Variants in SHROOM3 observed in about 807,000 individuals in gnomAD.
The protein encoded by SHROOM3 is protein Shroom3.
In SHROOM3, 47 loss-of-function variants were observed where a neutral mutation model predicts 138.6. The observed-to-expected ratio is 0.34, with a 90% CI of 0.27 to 0.43. The LOEUF is 0.43. Among genes scored for constraint, SHROOM3 ranks in the 20% least tolerant of loss-of-function variants. The probability of loss-of-function intolerance (pLI) is 1.00; values close to 1 mark genes in which losing one functional copy is unlikely to be tolerated. For synonymous variants in SHROOM3, 1,062 were observed against 1,063.3 expected (o/e 1.00, Z 0.02); for missense variants, 2,491 against 2,596.5 (o/e 0.96, Z 0.88).
At chr4:76,586,421 A>G (rs1734156865) in intron 2 of SHROOM3, 2 of 985,398 alleles carry the variant, frequency 2.0e-6, no homozygotes, top group Non-Finnish European at 1.2e-6. Context: ...AGAAATGACC[A>G]ACAGATAACT....
chr4:76,516,606 A>AT (rs1412751073), intron 1 of SHROOM3, among the ~76,000 whole-genome samples: 1 of 152,112 alleles, frequency 6.6e-6, no homozygotes, highest in African/African-American at 2.4e-5. Context: ...GAAAAAAAAA[A>AT]GGAACCAAAA....
intron 2 of SHROOM3, among the ~76,000 whole-genome samples, chr4:76,585,969 C>T (rs976118120): frequency 6.6e-6 from 1 of 152,218 alleles, no homozygotes; most frequent in East Asian, 1.9e-4. Context: ...GTCTTCACAG[C>T]ACGTCGTGTT....
At chr4:76,625,098 T>G (rs1735103182) in intron 2 of SHROOM3, among the ~76,000 whole-genome samples, 4 of 152,234 alleles carry the variant, frequency 2.6e-5, no homozygotes, top group African/African-American at 9.6e-5. Flanking sequence ...ACTTTTGGGC[T>G]GTAGTTCCCA....
chr4:76,774,794 C>G (rs754011798), intron 10 of SHROOM3, among the ~76,000 whole-genome samples: 17 of 148,934 alleles, frequency 1.1e-4, no homozygotes, highest in Non-Finnish European at 1.8e-4. Flanking sequence ...TAATTCTTCA[C>G]TTTTCCCCCA....
At chr4:76,572,620 C>T (rs1409401380) in intron 2 of SHROOM3, among the ~76,000 whole-genome samples, 3 of 152,256 alleles carry the variant, frequency 2.0e-5, no homozygotes, top group Non-Finnish European at 4.4e-5. Context: ...ATATTGTGAT[C>T]GTTCAAATGT....
intron 1 of SHROOM3, among the ~76,000 whole-genome samples, chr4:76,492,724 A>G (rs1241589076): frequency 6.6e-6 from 1 of 152,190 alleles, no homozygotes; most frequent in Non-Finnish European, 1.5e-5. Flanking sequence ...CATGCATGAG[A>G]TCCTATACAC....
intron 1 of SHROOM3, among the ~76,000 whole-genome samples, chr4:76,462,689 C>CCT (rs1444016718): frequency 6.7e-6 from 1 of 148,784 alleles, no homozygotes; most frequent in Non-Finnish European, 1.5e-5. Context: ...TCTCCCTCTC[C>CCT]CTCTCTCTCT....
chr4:76,533,011 A>T (rs1337879034), intron 1 of SHROOM3, among the ~76,000 whole-genome samples: 1 of 152,232 alleles, frequency 6.6e-6, no homozygotes, highest in Non-Finnish European at 1.5e-5. Flanking sequence ...GGACAAAGGG[A>T]GGATTCACTT....
In SHROOM3 at chr4:76,782,951, C is replaced by G. The variant is rs1722770586; in HGVS notation, c.*3774C>G. The G allele has an allele frequency of 1.3e-5, 2 of 152,114 alleles. No homozygotes were observed. The highest frequency in any genetic ancestry group is 2.9e-5 in the Non-Finnish European group (2 of 68,012). 9.4% of individuals were successfully genotyped at this position (152,114 alleles called of 1,614,324 possible). On this transcript the variant is annotated 3_prime_UTR_variant, in exon 11 of 11. Transcript: ENST00000296043. ...TCTTAATGGGGAGCTCATTCAGAAACTAAATAATGGTTTCTCAAAGTGTGG... is the reference window on the plus strand; with the variant it reads ...TCTTAATGGGGAGCTCATTCAGAAAGTAAATAATGGTTTCTCAAAGTGTGG...
intron 1 of SHROOM3, among the ~76,000 whole-genome samples, chr4:76,494,493 T>C (rs1337803722): frequency 6.6e-6 from 1 of 152,184 alleles, no homozygotes; most frequent in African/African-American, 2.4e-5. Context: ...ACTGCTGAGC[T>C]TGAGCAATGG....
intron 2 of SHROOM3, among the ~76,000 whole-genome samples, chr4:76,613,251 G>GT (rs1242598709): frequency 1.3e-5 from 2 of 152,110 alleles, no homozygotes; most frequent in Non-Finnish European, 2.9e-5. Flanking sequence ...TCCTTGCATG[G>GT]TTTCCCACTA....
chr4:76,527,522 G>T (rs1043561263), intron 1 of SHROOM3, among the ~76,000 whole-genome samples: 6 of 152,222 alleles, frequency 3.9e-5, no homozygotes, highest in Non-Finnish European at 7.3e-5. Flanking sequence ...GGTAGAGGTT[G>T]CAGTAAGCCG....
intron 1 of SHROOM3, among the ~76,000 whole-genome samples, chr4:76,444,359 A>G (rs1266333685): frequency 6.6e-6 from 1 of 151,194 alleles, no homozygotes; most frequent in Non-Finnish European, 1.5e-5. Flanking sequence ...CATCCCAGAC[A>G]ATATAGGGCT....
At chr4:76,602,611 A>T (rs1423614689) in intron 2 of SHROOM3, among the ~76,000 whole-genome samples, 1 of 152,232 alleles carries the variant, frequency 6.6e-6, no homozygotes, top group Non-Finnish European at 1.5e-5. Context: ...CATTATATGA[A>T]ATAGGTTGGT....
At position 76,485,535 on chromosome 4, in the gene SHROOM3, AAGT is replaced by A. The variant is rs573305618; in HGVS notation, c.168+49325_168+49327del. ...CTTTGATCGTTTTGCACAAAACAGG[AAGT>A]AGTAGTAGTGGCAGTATGGATTTGG... On this transcript the variant is annotated intron_variant, in intron 1 of 10. Transcript: ENST00000296043. Among the ~76,000 whole-genome samples the A allele has an allele frequency of 2.6e-4, 39 of 152,276 alleles. No individual in the cohort carries two copies. The South Asian group carries it at 7.5e-3, about 29-fold the overall frequency.
intron 2 of SHROOM3, among the ~76,000 whole-genome samples, chr4:76,694,519 A>G (rs550021960): frequency 6.6e-6 from 1 of 152,328 alleles, no homozygotes; most frequent in African/African-American, 2.4e-5. Flanking sequence ...CAAAAACAAA[A>G]TGGTCTTATA....
chr4:76,775,700 TA>T (rs1490965562), intron 10 of SHROOM3, among the ~76,000 whole-genome samples: 5 of 133,200 alleles, frequency 3.8e-5, no homozygotes, highest in African/African-American at 1.1e-4. Flanking sequence ...TATATATACA[TA>T]ACATATTTGT....
At chr4:76,534,829 C>T (rs1397685582) in intron 1 of SHROOM3, among the ~76,000 whole-genome samples, 1 of 152,216 alleles carries the variant, frequency 6.6e-6, no homozygotes, top group African/African-American at 2.4e-5. Context: ...CCCTAGTCAA[C>T]TGACTTCAAA....
chr4:76,535,239 C>T (rs1002963339), intron 1 of SHROOM3, among the ~76,000 whole-genome samples: 8 of 152,074 alleles, frequency 5.3e-5, no homozygotes, highest in African/African-American at 1.4e-4. Context: ...ACTGAAAATA[C>T]CAGTTTTTTA....
Sources: allele counts gnomAD v4.1 joint callset (sites outside exome capture counted in the v4.1 genomes callset), GRCh38; gene constraint gnomAD v4.1.1; transcripts MANE v1.5; gene names NCBI Gene and HGNC (gene_info 2026-07-23, HGNC 2026-07-21).